MICALL2: variants seen among roughly 807,000 people sequenced by gnomAD.
MICALL2 encodes the protein MICAL-like protein 2.
Under a neutral mutation model 91.1 loss-of-function variants are expected in MICALL2, and 111 were observed. The observed-to-expected ratio is 1.22, with a 90% CI of 1.04 to 1.43. The LOEUF (loss-of-function observed/expected upper bound fraction) is 1.43. Ranked by LOEUF, MICALL2 falls within the 40% of genes most tolerant of loss-of-function variation. MICALL2 has a pLI of 0.00. For synonymous variants in MICALL2, 694 were observed against 525.3 expected (o/e 1.32, Z -4.39); for missense variants, 1,556 against 1,236.0 (o/e 1.26, Z -3.88).
chr7:1,452,179 C>T lies in MICALL2; in HGVS notation c.144-1891G>A, dbSNP rs1042399258. ...CTGCACAGGCGGAGCTTCTGCACGCCGGACAAGATGGGGCGCGGACTCCTC... is the reference window on the plus strand; with the variant it reads ...CTGCACAGGCGGAGCTTCTGCACGCTGGACAAGATGGGGCGCGGACTCCTC... On this transcript the variant is annotated intron_variant, in intron 1 of 16. Transcript: ENST00000297508. This position sits in a 1 kb window ranked among gnomAD's most constrained non-coding sequence, Gnocchi z 6.2. Among the ~76,000 whole-genome samples, 5 of 152,338 alleles carry T rather than the reference C, an allele frequency of 3.3e-5. No homozygotes were observed. The East Asian group carries it at 9.6e-4, about 29-fold the overall frequency.
chr7:1,437,985 G>T lies in MICALL2; in HGVS notation c.2312-5C>A. The T allele has an allele frequency of 6.4e-7, 1 of 1,550,934 alleles. No homozygotes were observed. The highest frequency in any genetic ancestry group is 8.7e-7 in the Non-Finnish European group (1 of 1,147,690). ...TGAGGCTATCCTCAGCGTCATCTGG[G>T]GAGAGGAGCCAGCTGGGGCAGGGGG... On this transcript the variant is annotated splice_polypyrimidine_tract_variant and splice_region_variant and intron_variant, in intron 12 of 16. Transcript: ENST00000297508.
At position 1,444,856 on chromosome 7, in the gene MICALL2, G is replaced by A; in HGVS notation, c.1214C>T (p.Ala405Val). The A allele has an allele frequency of 6.2e-7, 1 of 1,603,956 alleles. No individual in the cohort carries two copies. The highest frequency in any genetic ancestry group is 8.5e-7 in the Non-Finnish European group (1 of 1,177,226). ...STSAATVDPPAWTPSASRTQQ... is the reference protein window; with the variant it reads ...STSAATVDPPVWTPSASRTQQ... Reference sequence around the variant, plus strand: ...GGTCCTGGAGGCGGACGGGGTCCAGGCTGGGGGGTCCACCGTGGCTGCAGA... The same window carrying A: ...GGTCCTGGAGGCGGACGGGGTCCAGACTGGGGGGTCCACCGTGGCTGCAGA... The change falls in exon 6 of 17, where the codon GCC becomes GTC. Residue 405 changes from alanine (A) to valine (V), a missense_variant. Physicochemically the swap from Ala to Val is moderately conservative, Grantham distance 64. Coordinates refer to ENST00000297508, the MANE Select transcript of MICALL2 (RefSeq NM_182924.4).
intron 8 of MICALL2, 140 bp downstream of exon 8, chr7:1,440,451 G>T: frequency 1.3e-6 from 1 of 769,962 alleles, no homozygotes; most frequent in Non-Finnish European, 2.2e-6. Flanking sequence ...CCCTCAGGCA[G>T]GGGTGACCTG....
At chr7:1,442,736 CA>C (rs1309128296) in intron 6 of MICALL2, among the ~76,000 whole-genome samples, 1 of 151,832 alleles carries the variant, frequency 6.6e-6, no homozygotes, top group Non-Finnish European at 1.5e-5. Flanking sequence ...CCTGGCAAGG[CA>C]CAGGCCACAG....
intron 9 of MICALL2, chr7:1,439,462 AAC>A (rs1780158881): frequency 1.7e-5 from 3 of 178,488 alleles, no homozygotes; most frequent in African/African-American, 5.9e-5. Flanking sequence ...ATCGCACATG[AAC>A]ACAGATGTAC....
In MICALL2 at chr7:1,451,494, C is replaced by T. The variant is rs1780826566; in HGVS notation, c.144-1206G>A. On this transcript the variant is annotated intron_variant, in intron 1 of 16. Transcript: ENST00000297508. The surrounding 1 kb of genome is among the most constrained non-coding windows in gnomAD (Gnocchi z 4.5). ...TCAGCCTGGGTAACACACTGAGACC[C>T]CGTCTCAGAAAAACAAAAATATAGT... Among the ~76,000 whole-genome samples the T allele has an allele frequency of 6.6e-6, 1 of 152,208 alleles. No individual in the cohort carries two copies. Among genetic ancestry groups the T allele is most frequent in the Admixed American group, 6.5e-5 (1 of 15,282 alleles).
chr7:1,456,519 G>C (rs1473519434), intron 1 of MICALL2, among the ~76,000 whole-genome samples: 2 of 152,180 alleles, frequency 1.3e-5, no homozygotes, highest in Non-Finnish European at 2.9e-5. Context: ...CTGGGAGGCG[G>C]AGGTTGCAGT....
Position 1,446,557 on chromosome 7 carries a change from G to A in MICALL2, c.641+156C>T, listed in dbSNP as rs1446111310. On this transcript the variant is annotated intron_variant, in intron 5 of 16. Coordinates refer to ENST00000297508, the MANE Select transcript of MICALL2 (RefSeq NM_182924.4). ...GGAGAGGGGAGGAGGCGGGAGGAGGGGAGACGGGGAGGGGGAGGGGGGAGG... is the reference window on the plus strand; with the variant it reads ...GGAGAGGGGAGGAGGCGGGAGGAGGAGAGACGGGGAGGGGGAGGGGGGAGG... The A allele has an allele frequency of 1.2e-5, 7 of 573,810 alleles. No individual in the cohort carries two copies. In the Admixed American group the frequency reaches 1.5e-4, roughly 12 times the overall value. 35.5% of individuals were successfully genotyped at this position (573,810 alleles called of 1,614,324 possible).
chr7:1,435,355 A>AGT (rs1204982748), intron 15 of MICALL2, among the ~76,000 whole-genome samples: 1 of 151,982 alleles, frequency 6.6e-6, no homozygotes. Flanking sequence ...GCCCCTCAAC[A>AGT]GTGACATGGT....
intron 2 of MICALL2, among the ~76,000 whole-genome samples, chr7:1,449,599 G>A (rs1468634369): frequency 6.6e-6 from 1 of 152,278 alleles, no homozygotes; most frequent in Non-Finnish European, 1.5e-5. Flanking sequence ...CGGCCGGGCA[G>A]GTATGACTGT....
rs536375884 is a variant in MICALL2, at chr7:1,440,762, C to G, written c.1712-78G>C. 655 of 1,248,524 alleles carry G rather than the reference C, an allele frequency of 5.2e-4. 2 individuals are homozygous for G. Among genetic ancestry groups the G allele is most frequent in the Non-Finnish European group, 7.0e-4 (609 of 867,690 alleles). The allele number at this position is 1,248,524 out of a possible 1,614,324, so 77.3% of individuals were successfully genotyped here. On this transcript the variant is annotated intron_variant, in intron 7 of 16. Transcript: ENST00000297508. ...TGTCTGCAAGGGTGGCTGTGCCTCC[C>G]CCTGCCATCTTCCCATAGCCACTCC... is the stretch of plus-strand genomic sequence containing the variant.
At chr7:1,449,352 CTG>C (rs1780736616) in intron 2 of MICALL2, among the ~76,000 whole-genome samples, 1 of 152,204 alleles carries the variant, frequency 6.6e-6, no homozygotes, top group African/African-American at 2.4e-5. Context: ...GAGTCTCACT[CTG>C]TTGTCCAGGC....
At chr7:1,450,970 C>T (rs922670214) in intron 1 of MICALL2, among the ~76,000 whole-genome samples, 1 of 152,210 alleles carries the variant, frequency 6.6e-6, no homozygotes, top group Non-Finnish European at 1.5e-5. Flanking sequence ...GACAGCGGCT[C>T]GGGGACCTGC....
intron 5 of MICALL2, among the ~76,000 whole-genome samples, chr7:1,445,871 G>A (rs1221192430): frequency 6.6e-6 from 1 of 151,948 alleles, no homozygotes; most frequent in Non-Finnish European, 1.5e-5. Context: ...GGGGAACAGC[G>A]CTTGTTTCCT....
intron 1 of MICALL2, among the ~76,000 whole-genome samples, chr7:1,453,734 G>A (rs866716923): frequency 1.3e-4 from 20 of 152,184 alleles, no homozygotes; most frequent in South Asian, 2.1e-4. Flanking sequence ...ATCCTCCAGG[G>A]TTTAATCTTC....
At position 1,448,831 on chromosome 7, in the gene MICALL2, C is replaced by A. The variant is rs914418864; in HGVS notation, c.193-70G>T. 1.0e-5 allele frequency: 16 copies of A among 1,575,286 alleles called. No homozygotes were observed. In the East Asian group the frequency reaches 2.9e-4, roughly 29 times the overall value. ...TCCTTCTCCACCAGGCCGCAGCTCA[C>A]CTCGACTCAAAGACACAGTCTTGGA... On this transcript the variant is annotated intron_variant, in intron 2 of 16. Coordinates refer to ENST00000297508, the MANE Select transcript of MICALL2 (RefSeq NM_182924.4).
At chr7:1,438,440 G>A (rs1460928573) in intron 10 of MICALL2, 87 bp from the exon 11 acceptor site, 10 of 1,524,986 alleles carry the variant, frequency 6.6e-6, no homozygotes, top group Non-Finnish European at 8.0e-6. Context: ...CCTGACCTCA[G>A]CACAGCACAG....
intron 14 of MICALL2, 102 bp from the exon 15 acceptor site, chr7:1,436,958 G>T: frequency 1.2e-6 from 1 of 845,010 alleles, no homozygotes; most frequent in Non-Finnish European, 1.7e-6. Flanking sequence ...TCTTTTGGAG[G>T]AAGAAGGTGG....
chr7:1,439,734 TGCAC>T (rs913521216), intron 9 of MICALL2, 187 bp downstream of exon 9: 11 of 455,058 alleles, frequency 2.4e-5, no homozygotes, highest in African/African-American at 1.6e-4. Flanking sequence ...CATGAACACA[TGCAC>T]ACATGCATCA....
Sources: allele counts gnomAD v4.1 joint callset (sites outside exome capture counted in the v4.1 genomes callset), GRCh38; gene constraint gnomAD v4.1.1; non-coding constraint Gnocchi (gnomAD v3.1); transcripts MANE v1.5; gene names NCBI Gene and HGNC (gene_info 2026-07-23, HGNC 2026-07-21).